The following BORCS5 variants were observed in gnomAD, a reference collection of about 807,000 sequenced individuals.
BORCS5 encodes BLOC-1-related complex subunit 5.
A neutral mutation model predicts 22.1 loss-of-function variants in BORCS5; 17 were observed. The ratio of observed to expected loss-of-function variants is 0.77; its 90% CI spans 0.53 to 1.15. The LOEUF is 1.15. Ranked by LOEUF, BORCS5 falls within the 50% of genes most tolerant of loss-of-function variation. The probability of loss-of-function intolerance (pLI) is 0.00; values close to 1 mark genes in which losing one functional copy is unlikely to be tolerated. For synonymous variants in BORCS5, 117 were observed against 99.8 expected, an observed-to-expected ratio of 1.17 and a Z score of -1.03; for missense variants, 247 against 253.2, an observed-to-expected ratio of 0.98 and a Z score of 0.17.
chr12:12,412,097 A>C (rs949393463), intron 2 of BORCS5, among the ~76,000 whole-genome samples: 6 of 152,174 alleles, frequency 3.9e-5, no homozygotes, highest in South Asian at 4.1e-4. Context: ...TGTTTTGGCT[A>C]TTCAGGATCT....
rs368770506 is a variant in BORCS5, at chr12:12,359,818, C to T, written c.59-1388C>T. Reference sequence around the variant, plus strand: ...ATAGACAGCTTTGCAACTCCAGTGTCGCAGAGATGGGCCTTGTGTACCAAT... The same window carrying T: ...ATAGACAGCTTTGCAACTCCAGTGTTGCAGAGATGGGCCTTGTGTACCAAT... On this transcript the variant is annotated intron_variant, in intron 1 of 3. Transcript: ENST00000314565. Among the ~76,000 whole-genome samples the T allele has an allele frequency of 1.2e-4, 19 of 152,108 alleles. No homozygotes were observed. In the South Asian group the frequency reaches 1.7e-3, roughly 13 times the overall value.
chr12:12,381,588 T>TTGTATCTAAAAAGTCA (rs1863776115), intron 2 of BORCS5, among the ~76,000 whole-genome samples: 1 of 151,546 alleles, frequency 6.6e-6, no homozygotes, highest in Non-Finnish European at 1.5e-5. Flanking sequence ...TACTTTGGTG[T>TTGTATCTAAAAAGTCA]TGTATCTAAA....
chr12:12,361,268 T>TGTGTAG lies in BORCS5; in HGVS notation c.121_122insGTGTAG (p.Ser41delinsCysValAla). 2.5e-6 allele frequency: 4 copies of TGTGTAG among 1,614,126 alleles called. No individual in the cohort carries two copies. The highest frequency in any genetic ancestry group is 3.4e-6 in the Non-Finnish European group (4 of 1,180,024). On this transcript the variant is annotated protein_altering_variant, in exon 2 of 4. Coordinates refer to ENST00000314565, the MANE Select transcript of BORCS5 (RefSeq NM_058169.6). ...TGATATTGTGGTTGTAGCTCAGGGC[T>TGTGTAG]CCCAGGCCTCACGGAACGTCAGCAA... is the stretch of plus-strand genomic sequence containing the variant.
At chr12:12,465,306 C>G (rs1458671943) in intron 3 of BORCS5, among the ~76,000 whole-genome samples, 1 of 152,168 alleles carries the variant, frequency 6.6e-6, no homozygotes, top group Admixed American at 6.5e-5. Flanking sequence ...ACAAATAACG[C>G]ACATTCCCAG....
In BORCS5 at chr12:12,470,760, A is replaced by C. The variant is rs1245312644; in HGVS notation, c.*4984A>C. 6.6e-6 allele frequency among the ~76,000 whole-genome samples: 1 copy of C among 151,222 alleles called. No individual in the cohort carries two copies. Among genetic ancestry groups the C allele is most frequent in the African/African-American group, 2.4e-5 (1 of 41,128 alleles). Reference sequence around the variant, plus strand: ...GGAAAGGGTAGCCAGATAATTATCCACATGCTTCAAACCAAAAAGATAAAA... The same window carrying C: ...GGAAAGGGTAGCCAGATAATTATCCCCATGCTTCAAACCAAAAAGATAAAA... On this transcript the variant is annotated 3_prime_UTR_variant, in exon 4 of 4. Transcript: ENST00000314565.
intron 2 of BORCS5, among the ~76,000 whole-genome samples, chr12:12,383,681 T>C (rs1863821082): frequency 6.6e-6 from 1 of 151,064 alleles, no homozygotes; most frequent in East Asian, 1.9e-4. Context: ...ACTTTATATA[T>C]GCCATTCTAC....
At chr12:12,367,070 A>G (rs1863421484) in intron 2 of BORCS5, among the ~76,000 whole-genome samples, 1 of 152,254 alleles carries the variant, frequency 6.6e-6, no homozygotes, top group South Asian at 2.1e-4. Context: ...GATAATTAAA[A>G]GGAGCCTGGG....
chr12:12,382,476 C>G (rs906497266), intron 2 of BORCS5, among the ~76,000 whole-genome samples: 1 of 150,134 alleles, frequency 6.7e-6, no homozygotes, highest in Non-Finnish European at 1.5e-5. Flanking sequence ...TTGGAGGGGA[C>G]AAGTATCCAA....
At chr12:12,412,900 C>CTTTTTTTTGTTTTT (rs1941775639) in intron 2 of BORCS5, among the ~76,000 whole-genome samples, 1 of 74,174 alleles carries the variant, frequency 1.3e-5, no homozygotes, top group African/African-American at 4.7e-5. Flanking sequence ...TTGTGGTTTT[C>CTTTTTTTTGTTTTT]TTTTTTTTTT....
intron 2 of BORCS5, among the ~76,000 whole-genome samples, chr12:12,369,007 A>G (rs1033719907): frequency 6.6e-6 from 1 of 152,150 alleles, no homozygotes; most frequent in Non-Finnish European, 1.5e-5. Flanking sequence ...GATTTATTTC[A>G]TTAATTTGAT....
At chr12:12,378,120 C>A (rs1863695180) in intron 2 of BORCS5, among the ~76,000 whole-genome samples, 1 of 152,136 alleles carries the variant, frequency 6.6e-6, no homozygotes, top group African/African-American at 2.4e-5. Flanking sequence ...ACCTGTAATT[C>A]CAGCATTTTG....
rs1452302192 is a variant in BORCS5 at position 12,469,020 on chromosome 12, T to C, written c.*3244T>C. 1 of 151,710 alleles carries C rather than the reference T, an allele frequency of 6.6e-6. No homozygotes were observed. The highest frequency in any genetic ancestry group is 1.5e-5 in the Non-Finnish European group (1 of 67,944). The allele number at this position is 151,710 out of a possible 1,614,324, so 9.4% of individuals were successfully genotyped here. On this transcript the variant is annotated 3_prime_UTR_variant, in exon 4 of 4. Transcript: ENST00000314565. ...CAGAGTAAACATTTCATTAAATGAG[T>C]TTCAAGGACTCCATACCCTGATATA...
intron 3 of BORCS5, among the ~76,000 whole-genome samples, chr12:12,447,041 C>A (rs554639702): frequency 6.6e-6 from 1 of 152,126 alleles, no homozygotes; most frequent in Non-Finnish European, 1.5e-5. Flanking sequence ...ATCCCAAAGT[C>A]CCCCAGCCTC....
chr12:12,415,041 C>T (rs1941895558), intron 2 of BORCS5, among the ~76,000 whole-genome samples: 1 of 144,022 alleles, frequency 6.9e-6, no homozygotes, highest in Admixed American at 7.0e-5. Context: ...GGCGGCCGGG[C>T]GGAGACGCTC....
At chr12:12,453,403 C>T (rs1381626849) in intron 3 of BORCS5, among the ~76,000 whole-genome samples, 1 of 152,196 alleles carries the variant, frequency 6.6e-6, no homozygotes, top group Non-Finnish European at 1.5e-5. Context: ...GACTGTTCCT[C>T]TTGCAGACTC....
intron 2 of BORCS5, among the ~76,000 whole-genome samples, chr12:12,420,504 C>A (rs1448272548): frequency 6.6e-6 from 1 of 152,078 alleles, no homozygotes; most frequent in South Asian, 2.1e-4. Context: ...GTTCTTTTTG[C>A]TTAGGATTGT....
At chr12:12,428,128 C>T (rs550750511) in intron 2 of BORCS5, among the ~76,000 whole-genome samples, 3 of 152,248 alleles carry the variant, frequency 2.0e-5, no homozygotes, top group Non-Finnish European at 2.9e-5. Context: ...ATTTGTAATA[C>T]TGATTTCTAG....
At chr12:12,384,857 C>G (rs775536852) in intron 2 of BORCS5, among the ~76,000 whole-genome samples, 2 of 151,074 alleles carry the variant, frequency 1.3e-5, no homozygotes, top group African/African-American at 4.9e-5. Context: ...AGCTGGGGGC[C>G]GTCTGGGCAG....
intron 2 of BORCS5, among the ~76,000 whole-genome samples, chr12:12,393,769 C>T (rs1941263548): frequency 6.6e-6 from 1 of 151,116 alleles, no homozygotes; most frequent in Non-Finnish European, 1.5e-5. Context: ...GATCTGCCCG[C>T]CTTGGCCTTC....
Sources: allele counts gnomAD v4.1 joint callset (sites outside exome capture counted in the v4.1 genomes callset), GRCh38; gene constraint gnomAD v4.1.1; transcripts MANE v1.5; gene names NCBI Gene and HGNC (gene_info 2026-07-23, HGNC 2026-07-21).